The following ACTR3 variants were observed in gnomAD, a reference collection of about 807,000 sequenced individuals.
The protein encoded by ACTR3 is actin-related protein 3.
In ACTR3, 12 loss-of-function variants were observed where a neutral mutation model predicts 56.8. The observed-to-expected ratio is 0.21, with a 90% CI of 0.14 to 0.34. ACTR3 has a LOEUF of 0.34. ACTR3 is among the 10% of genes least tolerant of loss of function. The pLI, the probability that ACTR3 is intolerant of heterozygous loss-of-function variation, is 1.00. For synonymous variants in ACTR3, 162 were observed against 167.4 expected, an observed-to-expected ratio of 0.97 and a Z score of 0.25; for missense variants, 282 against 512.5, an observed-to-expected ratio of 0.55 and a Z score of 4.34.
intron 10 of ACTR3, chr2:113,952,140 A>C (rs1461445669): frequency 2.4e-5 from 6 of 246,544 alleles, no homozygotes; most frequent in Non-Finnish European, 4.0e-5. Context: ...ATACACCAAC[A>C]ATCAAATTAA....
intron 10 of ACTR3, chr2:113,954,889 G>T (rs971579365): frequency 1.3e-5 from 2 of 151,926 alleles, no homozygotes; most frequent in African/African-American, 4.8e-5. Context: ...AGCTAGGGGT[G>T]TGTGTGTGTT....
chr2:113,910,639 G>A (rs1489619523), intron 1 of ACTR3, among the ~76,000 whole-genome samples: 1 of 152,158 alleles, frequency 6.6e-6, no homozygotes, highest in Non-Finnish European at 1.5e-5. Context: ...CACCCAGCTA[G>A]TGTCCACTGC....
chr2:113,939,819 G>T, intron 6 of ACTR3, 140 bp from the exon 7 acceptor site: 1 of 599,604 alleles, frequency 1.7e-6, no homozygotes. Flanking sequence ...GAGGAATAAA[G>T]GTAAGTTCTG....
At chr2:113,897,963 A>G (rs1679040383) in intron 1 of ACTR3, among the ~76,000 whole-genome samples, 1 of 152,138 alleles carries the variant, frequency 6.6e-6, no homozygotes, top group African/African-American at 2.4e-5. Context: ...TGAAAATGCA[A>G]TGCTCTTGGG....
intron 1 of ACTR3, among the ~76,000 whole-genome samples, chr2:113,910,368 C>CT: frequency 1.3e-5 from 2 of 152,274 alleles, no homozygotes; most frequent in East Asian, 3.9e-4. Flanking sequence ...CTGTGTGTGT[C>CT]TTTATCTGTA....
chr2:113,942,633 AT>A (rs1220220545), intron 8 of ACTR3, among the ~76,000 whole-genome samples: 4 of 150,100 alleles, frequency 2.7e-5, no homozygotes, highest in Non-Finnish European at 4.5e-5. Context: ...GAGCCCTTAA[AT>A]TTTTTTTTTC....
rs888096091 is a variant in ACTR3, at chr2:113,917,280, C to T, written c.225+272C>T. Among the ~76,000 whole-genome samples the T allele has an allele frequency of 2.3e-4, 34 of 151,078 alleles. 1 individual carries two copies. On this transcript the variant is annotated intron_variant, in intron 3 of 11. Transcript: ENST00000263238. The stretch of plus-strand genomic sequence containing the variant: ...GATCTCAGGGCCCTCAATAAAATTA[C>T]CTTTACTTCCACATTGCTACTTCTG...
At chr2:113,929,028 T>C (rs945599989) in intron 4 of ACTR3, among the ~76,000 whole-genome samples, 1 of 152,224 alleles carries the variant, frequency 6.6e-6, no homozygotes, top group African/African-American at 2.4e-5. Flanking sequence ...TTATGTTGCA[T>C]ATACTGGTGA....
chr2:113,900,104 T>G (rs925430000), intron 1 of ACTR3, among the ~76,000 whole-genome samples: 1 of 152,236 alleles, frequency 6.6e-6, no homozygotes, highest in Non-Finnish European at 1.5e-5. Flanking sequence ...ATTCACATAC[T>G]GTAAAGTTTA....
intron 1 of ACTR3, among the ~76,000 whole-genome samples, chr2:113,906,128 TCA>T (rs1467996389): frequency 1.3e-5 from 2 of 152,234 alleles, no homozygotes. Context: ...CACAAGGGTT[TCA>T]GTTTCTTTAC....
rs576878146 is a variant in ACTR3, at chr2:113,955,808, C to G, written c.1161+102C>G. ...TGTCACCCAGGCTGGAGTGCAATGG[C>G]ATGATCTTGGCTCACTGCAACCTCC... On this transcript the variant is annotated intron_variant, in intron 11 of 11. Coordinates refer to ENST00000263238, the MANE Select transcript of ACTR3 (RefSeq NM_005721.5). 6.5e-5 allele frequency: 59 copies of G among 903,738 alleles called. 1 individual carries two copies. The East Asian group carries it at 1.7e-3, about 26-fold the overall frequency. 56.0% of individuals were successfully genotyped at this position (903,738 alleles called of 1,614,324 possible). A position where few individuals can be genotyped will look rare whatever the true frequency, so the allele number is the denominator to read the frequency against.
At chr2:113,940,439 AT>A (rs1385086677) in intron 7 of ACTR3, among the ~76,000 whole-genome samples, 3 of 152,138 alleles carry the variant, frequency 2.0e-5, no homozygotes, top group African/African-American at 7.2e-5. Context: ...TCTTCACTGA[AT>A]TCTTTATTTT....
rs1272599328 is a variant in ACTR3 at position 113,959,923 on chromosome 2, CA to C, written c.*2471del. On this transcript the variant is annotated 3_prime_UTR_variant, in exon 12 of 12. Coordinates refer to ENST00000263238, the MANE Select transcript of ACTR3 (RefSeq NM_005721.5). Reference sequence around the variant, plus strand: ...GAAAATATATTTGTATTATTTTGGACAAATTATTTGAACTCTCTGGACCTTG... The same window carrying C: ...GAAAATATATTTGTATTATTTTGGACAATTATTTGAACTCTCTGGACCTTG... 1 of 151,806 alleles carries C rather than the reference CA, an allele frequency of 6.6e-6. No homozygotes were observed. The highest frequency in any genetic ancestry group is 1.9e-4 in the East Asian group (1 of 5,182). 9.4% of individuals were successfully genotyped at this position (151,806 alleles called of 1,614,324 possible). A position where few individuals can be genotyped will look rare whatever the true frequency, so the allele number is the denominator to read the frequency against.
chr2:113,939,913 T>G, intron 6 of ACTR3, 46 bp from the exon 7 acceptor site: 1 of 1,535,552 alleles, frequency 6.5e-7, no homozygotes, highest in South Asian at 1.3e-5. Context: ...TATATTAATT[T>G]TCAAAACATT....
At chr2:113,936,033 C>T (rs558102340) in intron 6 of ACTR3, among the ~76,000 whole-genome samples, 1 of 152,106 alleles carries the variant, frequency 6.6e-6, no homozygotes, top group Non-Finnish European at 1.5e-5. Flanking sequence ...TGGCTCATGC[C>T]TGTAATCCCA....
intron 3 of ACTR3, 146 bp from the exon 4 acceptor site, chr2:113,927,199 A>T (rs913983192): frequency 1.1e-5 from 5 of 470,376 alleles, no homozygotes; most frequent in Non-Finnish European, 1.9e-5. Flanking sequence ...TTAAGTACAC[A>T]TCTTTTAAGG....
Position 113,915,663 on chromosome 2 carries a change from G to C in ACTR3, c.101-1221G>C, listed in dbSNP as rs117463375. ...TTTGGTTATATTCGTAAATGGCTGTGTTAACTTTTTGTTGGAGGCCTATAT... is the reference window on the plus strand; with the variant it reads ...TTTGGTTATATTCGTAAATGGCTGTCTTAACTTTTTGTTGGAGGCCTATAT... On this transcript the variant is annotated intron_variant, in intron 2 of 11. Coordinates refer to ENST00000263238, the MANE Select transcript of ACTR3 (RefSeq NM_005721.5). Among the ~76,000 whole-genome samples the C allele has an allele frequency of 8.2e-4, 125 of 152,304 alleles. 1 individual carries two copies. In the East Asian group the frequency reaches 0.024, roughly 29 times the overall value.
chr2:113,934,478 T>C, intron 6 of ACTR3, 92 bp downstream of exon 6: 3 of 835,280 alleles, frequency 3.6e-6, no homozygotes, highest in South Asian at 2.2e-5. Flanking sequence ...TAAAAAACTT[T>C]AAATGCTGCA....
At chr2:113,939,887 G>T (rs1357685625) in intron 6 of ACTR3, 72 bp from the exon 7 acceptor site, 3 of 1,414,282 alleles carry the variant, frequency 2.1e-6, no homozygotes, top group South Asian at 2.7e-5. Flanking sequence ...GTCTTTATTG[G>T]TTCATATTTT....
Sources: allele counts gnomAD v4.1 joint callset (sites outside exome capture counted in the v4.1 genomes callset), GRCh38; gene constraint gnomAD v4.1.1; transcripts MANE v1.5; gene names NCBI Gene and HGNC (gene_info 2026-07-23, HGNC 2026-07-21).